Variants in KCNMA1 observed in about 807,000 individuals in gnomAD.
KCNMA1 encodes Calcium-activated potassium channel subunit alpha-1.
A neutral mutation model predicts 140.0 loss-of-function variants in KCNMA1; 29 were observed. The observed-to-expected ratio is 0.21, with a 90% CI of 0.15 to 0.28. The LOEUF is 0.28. Ranked by LOEUF, KCNMA1 falls within the 10% of genes least tolerant of loss-of-function variation. KCNMA1 has a pLI of 1.00. For synonymous variants in KCNMA1, 612 were observed against 611.9 expected, an observed-to-expected ratio of 1.00 and a Z score of 0.00; for missense variants, 880 against 1,602.2, an observed-to-expected ratio of 0.55 and a Z score of 7.70.
At chr10:77,022,564 C>T (rs996153825) in intron 16 of KCNMA1, among the ~76,000 whole-genome samples, 73 of 152,236 alleles carry the variant, frequency 4.8e-4, no homozygotes, top group African/African-American at 1.6e-3. Flanking sequence ...GGAGCAAATA[C>T]GTATTTTCTG....
chr10:77,257,435 A>T (rs1383042656), intron 2 of KCNMA1, among the ~76,000 whole-genome samples: 1 of 152,144 alleles, frequency 6.6e-6, no homozygotes, highest in Non-Finnish European at 1.5e-5. Flanking sequence ...CATCTCCAGG[A>T]TATAAAGGAA....
rs116022007 is a variant in KCNMA1, at chr10:77,301,307, A to G, written c.541-50051T>C. ...AAGCTCAGATACCTGGAATTTATTT[A>G]TTTTGAACTTTGTAGAAATCTTTTG... On this transcript the variant is annotated intron_variant, in intron 2 of 27. Transcript: ENST00000286628. Among the ~76,000 whole-genome samples the G allele has an allele frequency of 4.9e-3, 745 of 152,264 alleles. 9 individuals are homozygous for G. Among genetic ancestry groups the G allele is most frequent in the African/African-American group, 0.017 (709 of 41,556 alleles).
chr10:77,093,479 A>G (rs1219361424), intron 9 of KCNMA1, among the ~76,000 whole-genome samples: 1 of 152,102 alleles, frequency 6.6e-6, no homozygotes, highest in Admixed American at 6.6e-5. Flanking sequence ...ACATATTGAA[A>G]ATGTTTGAAT....
intron 20 of KCNMA1, among the ~76,000 whole-genome samples, chr10:76,968,017 G>A (rs988569964): frequency 5.3e-5 from 8 of 151,904 alleles, no homozygotes; most frequent in Admixed American, 6.6e-5. Context: ...AAAGGCCTTC[G>A]GGCAGAAAGT....
intron 2 of KCNMA1, among the ~76,000 whole-genome samples, chr10:77,364,280 G>A (rs1364640469): frequency 6.6e-6 from 1 of 151,966 alleles, no homozygotes; most frequent in Non-Finnish European, 1.5e-5. Context: ...GCAAAACCCT[G>A]TCTCTACTAA....
At chr10:77,255,890 G>A (rs1027540992) in intron 2 of KCNMA1, among the ~76,000 whole-genome samples, 60 of 145,116 alleles carry the variant, frequency 4.1e-4, no homozygotes, top group Admixed American at 2.5e-3. Context: ...TCCAGCCTGG[G>A]CAACAGAGTG....
intron 1 of KCNMA1, among the ~76,000 whole-genome samples, chr10:77,590,259 G>T (rs1043489327): frequency 2.6e-5 from 4 of 152,266 alleles, no homozygotes; most frequent in Non-Finnish European, 5.9e-5. Flanking sequence ...GGAGCTGCCT[G>T]CCAGTCCCGC....
intron 1 of KCNMA1, among the ~76,000 whole-genome samples, chr10:77,618,417 A>T (rs1238430210): frequency 6.6e-6 from 1 of 152,174 alleles, no homozygotes; most frequent in Non-Finnish European, 1.5e-5. Flanking sequence ...TAGATACCAT[A>T]AATATGGTCC....
At chr10:77,040,406 T>C (rs61868820) in intron 14 of KCNMA1, among the ~76,000 whole-genome samples, 14,947 of 152,066 alleles carry the variant, frequency 0.098, 1,052 homozygotes, top group Non-Finnish European at 0.16. Context: ...TCATGAAAAA[T>C]GGGAAATAAC....
chr10:77,320,091 A>T (rs561719382), intron 2 of KCNMA1, among the ~76,000 whole-genome samples: 1 of 152,216 alleles, frequency 6.6e-6, no homozygotes, highest in African/African-American at 2.4e-5. Flanking sequence ...CACTCTGTGG[A>T]TGGAAAGTTA....
intron 2 of KCNMA1, among the ~76,000 whole-genome samples, chr10:77,397,689 T>C (rs1440290810): frequency 6.6e-6 from 1 of 152,186 alleles, no homozygotes; most frequent in Non-Finnish European, 1.5e-5. Flanking sequence ...AGTGGTGAAG[T>C]CTGGGCTTTT....
At chr10:76,998,779 T>C (rs971975457) in intron 19 of KCNMA1, among the ~76,000 whole-genome samples, 1 of 152,212 alleles carries the variant, frequency 6.6e-6, no homozygotes, top group African/African-American at 2.4e-5. Context: ...GGATTGCTAT[T>C]GGAGCACTGC....
At chr10:76,871,716 G>A (rs1470435115) in exon 28 of KCNMA1, 1 of 152,088 alleles carries the variant, frequency 6.6e-6, no homozygotes, top group Non-Finnish European at 1.5e-5. Flanking sequence ...TTCATACCTA[G>A]AATGCTGATC....
intron 1 of KCNMA1, among the ~76,000 whole-genome samples, chr10:77,605,073 A>G (rs1011117193): frequency 6.6e-6 from 1 of 152,274 alleles, no homozygotes; most frequent in African/African-American, 2.4e-5. Context: ...GCAGACACCC[A>G]GTGGCCAGAA....
chr10:77,458,593 A>G (rs1352164498), intron 1 of KCNMA1, among the ~76,000 whole-genome samples: 1 of 152,244 alleles, frequency 6.6e-6, no homozygotes, highest in African/African-American at 2.4e-5. Flanking sequence ...TTTAACCTCA[A>G]AAATGGCAAT....
At chr10:77,450,016 CA>C in intron 1 of KCNMA1, among the ~76,000 whole-genome samples, 1 of 152,204 alleles carries the variant, frequency 6.6e-6, no homozygotes, top group South Asian at 2.1e-4. Flanking sequence ...GTGGTGCAAT[CA>C]CAGCCCACTG....
intron 6 of KCNMA1, among the ~76,000 whole-genome samples, chr10:77,117,539 CA>C (rs56926398): frequency 0.064 from 1,429 of 22,474 alleles, 14 homozygotes; most frequent in African/African-American, 0.2. Flanking sequence ...GAGTCTATCT[CA>C]AAAAAAAAAA....
At chr10:77,551,781 A>G (rs2154557104) in intron 1 of KCNMA1, among the ~76,000 whole-genome samples, 1 of 152,272 alleles carries the variant, frequency 6.6e-6, no homozygotes, top group South Asian at 2.1e-4. Flanking sequence ...AGACCTTCCA[A>G]TCCAACCTGG....
chr10:77,367,309 GT>G (rs913394470), intron 2 of KCNMA1, among the ~76,000 whole-genome samples: 1 of 152,166 alleles, frequency 6.6e-6, no homozygotes, highest in Non-Finnish European at 1.5e-5. Context: ...CTTACTTTAA[GT>G]TTTTTGAAGT....
Sources: gnomAD v4.1 joint callset for allele counts (sites outside exome capture counted in the v4.1 genomes callset) on GRCh38, gnomAD v4.1.1 for gene constraint, MANE v1.5 for transcripts, NCBI Gene and HGNC (gene_info 2026-07-23, HGNC 2026-07-21) for gene names.